The following RAD18 variants were observed in gnomAD, a reference collection of about 807,000 sequenced individuals.
RAD18 encodes the protein RAD18 E3 ubiquitin protein ligase, also known as E3 ubiquitin-protein ligase RAD18.
In RAD18, 47 loss-of-function variants were observed where a neutral mutation model predicts 60.4. The observed-to-expected ratio is 0.78, with a 90% confidence interval of 0.62 to 0.99. The LOEUF (loss-of-function observed/expected upper bound fraction) is 0.99. Among genes scored for constraint, RAD18 ranks in the 50% least tolerant of loss-of-function variants. The pLI is 0.00. For missense variants in RAD18, 640 were observed against 593.3 expected, an observed-to-expected ratio of 1.08 and a Z score of -0.82; for synonymous variants, 225 against 195.5, an observed-to-expected ratio of 1.15 and a Z score of -1.26.
At chr3:8,944,476 C>G (rs980625935) in intron 4 of RAD18, among the ~76,000 whole-genome samples, 2 of 150,720 alleles carry the variant, frequency 1.3e-5, no homozygotes, top group Admixed American at 6.6e-5. Context: ...TTCGAGGTTA[C>G]AGTGAACCAT....
intron 9 of RAD18, among the ~76,000 whole-genome samples, chr3:8,903,449 C>T (rs1939949493): frequency 6.6e-6 from 1 of 152,126 alleles, no homozygotes; most frequent in African/African-American, 2.4e-5. Context: ...CTTCACATTT[C>T]CGGCCGGTTT....
At chr3:8,898,382 GT>G (rs2125049828) in intron 11 of RAD18, among the ~76,000 whole-genome samples, 1 of 3,052 alleles carries the variant, frequency 3.3e-4, no homozygotes, top group Admixed American at 2.8e-3. Flanking sequence ...GTGTGCATGC[GT>G]GTGTGTGTGT....
chr3:8,924,622 C>A (rs1392167001), intron 7 of RAD18, among the ~76,000 whole-genome samples: 2 of 133,132 alleles, frequency 1.5e-5, no homozygotes, highest in Non-Finnish European at 3.3e-5. Flanking sequence ...CTTCTCAGCA[C>A]CACATCACAC....
At chr3:8,942,803 C>A (rs974229882) in intron 4 of RAD18, among the ~76,000 whole-genome samples, 3 of 152,178 alleles carry the variant, frequency 2.0e-5, no homozygotes, top group Non-Finnish European at 2.9e-5. Context: ...AATTCACATC[C>A]ATTCCTGCTC....
chr3:8,929,658 T>C (rs1940515431), intron 7 of RAD18, among the ~76,000 whole-genome samples: 1 of 149,160 alleles, frequency 6.7e-6, no homozygotes, highest in Non-Finnish European at 1.5e-5. Flanking sequence ...TTTTTTTTTT[T>C]TGAGACGGAG....
intron 9 of RAD18, among the ~76,000 whole-genome samples, chr3:8,907,290 C>T (rs1340696473): frequency 1.3e-5 from 2 of 149,796 alleles, no homozygotes; most frequent in Non-Finnish European, 2.9e-5. Flanking sequence ...ATTCATTTTG[C>T]TTGTTTTAGG....
intron 11 of RAD18, among the ~76,000 whole-genome samples, chr3:8,891,735 C>G (rs1939695726): frequency 6.6e-6 from 1 of 152,274 alleles, no homozygotes; most frequent in South Asian, 2.1e-4. Flanking sequence ...TGGACTGATA[C>G]AAAATTTGGG....
intron 2 of RAD18, among the ~76,000 whole-genome samples, chr3:8,949,736 G>A (rs1188587312): frequency 6.6e-6 from 1 of 152,100 alleles, no homozygotes; most frequent in East Asian, 1.9e-4. Context: ...AAACCTCCAT[G>A]GGAACCAGAG....
intron 5 of RAD18, among the ~76,000 whole-genome samples, chr3:8,941,176 G>C (rs1361843444): frequency 6.6e-6 from 1 of 152,196 alleles, no homozygotes; most frequent in Non-Finnish European, 1.5e-5. Flanking sequence ...AATGGGAACT[G>C]ATATGTTGAA....
At chr3:8,911,713 G>T (rs1940108282) in intron 9 of RAD18, among the ~76,000 whole-genome samples, 1 of 152,154 alleles carries the variant, frequency 6.6e-6, no homozygotes, top group African/African-American at 2.4e-5. Context: ...TACCATGCCT[G>T]GGAATACTGA....
intron 7 of RAD18, among the ~76,000 whole-genome samples, chr3:8,915,147 CAAA>C (rs373157801): frequency 9.9e-6 from 1 of 101,456 alleles, no homozygotes; most frequent in African/African-American, 3.7e-5. Flanking sequence ...GACTCCGTCT[CAAA>C]AAAAAAAAAA....
At chr3:8,901,761 C>CCAAT (rs1939917159) in intron 10 of RAD18, among the ~76,000 whole-genome samples, 1 of 152,188 alleles carries the variant, frequency 6.6e-6, no homozygotes, top group African/African-American at 2.4e-5. Flanking sequence ...GTACTTAATG[C>CCAAT]CAATGACTTG....
intron 10 of RAD18, among the ~76,000 whole-genome samples, chr3:8,901,651 G>T (rs1376168657): frequency 2.0e-5 from 3 of 152,116 alleles, no homozygotes; most frequent in Non-Finnish European, 4.4e-5. Flanking sequence ...GAGGCAGAGG[G>T]GACGGAAGAG....
chr3:8,922,428 C>A (rs113835926), intron 7 of RAD18, among the ~76,000 whole-genome samples: 3,747 of 152,282 alleles, frequency 0.025, 143 homozygotes, highest in African/African-American at 0.082. Context: ...GAAGCTCAAA[C>A]TGGGTGGAGC....
At chr3:8,894,932 T>A (rs1187904823) in intron 11 of RAD18, among the ~76,000 whole-genome samples, 1 of 152,022 alleles carries the variant, frequency 6.6e-6, no homozygotes, top group Non-Finnish European at 1.5e-5. Context: ...GGCTAATTTT[T>A]ATATTTTTAG....
chr3:8,904,747 C>T (rs1383126419), intron 9 of RAD18, among the ~76,000 whole-genome samples: 3 of 152,142 alleles, frequency 2.0e-5, no homozygotes, highest in Admixed American at 2.0e-4. Context: ...GAGGGTGACA[C>T]AGTACTATGG....
intron 7 of RAD18, among the ~76,000 whole-genome samples, chr3:8,923,153 T>C (rs1252700506): frequency 6.6e-6 from 1 of 152,086 alleles, no homozygotes; most frequent in Non-Finnish European, 1.5e-5. Flanking sequence ...GGCAAAGAAG[T>C]TAAGAACCTT....
At chr3:8,921,833 T>C (rs1940326370) in intron 7 of RAD18, among the ~76,000 whole-genome samples, 1 of 152,232 alleles carries the variant, frequency 6.6e-6, no homozygotes, top group South Asian at 2.1e-4. Context: ...TTTTCCATTT[T>C]TTATTTATCT....
At chr3:8,929,585 C>T (rs760679315) in intron 7 of RAD18, among the ~76,000 whole-genome samples, 3 of 151,888 alleles carry the variant, frequency 2.0e-5, no homozygotes, top group Non-Finnish European at 4.4e-5. Context: ...AATACCACAC[C>T]CACTAGGAAA....
Sources: gnomAD v4.1 joint callset for allele counts (sites outside exome capture counted in the v4.1 genomes callset) on GRCh38, gnomAD v4.1.1 for gene constraint, MANE v1.5 for transcripts, NCBI Gene and HGNC (gene_info 2026-07-23, HGNC 2026-07-21) for gene names.